The following NAALADL2 variants were observed in gnomAD, a reference collection of about 807,000 sequenced individuals.
The protein encoded by NAALADL2 is N-acetylated alpha-linked acidic dipeptidase like 2, also known as inactive N-acetylated-alpha-linked acidic dipeptidase-like protein 2.
NAALADL2 carries 76 observed loss-of-function variants against 87.2 expected under a neutral mutation model. That is an observed-to-expected ratio of 0.87 (90% confidence interval 0.72 to 1.05). NAALADL2 has a LOEUF of 1.05. NAALADL2 is among the 50% of genes least tolerant of loss of function. The pLI, the probability that NAALADL2 is intolerant of heterozygous loss-of-function variation, is 0.00. For synonymous variants in NAALADL2, 354 were observed against 331.0 expected, an observed-to-expected ratio of 1.07 and a Z score of -0.75; for missense variants, 1,089 against 945.8, an observed-to-expected ratio of 1.15 and a Z score of -1.99.
chr3:174,995,277 C>A (rs1278463741), intron 1 of NAALADL2, among the ~76,000 whole-genome samples: 1 of 152,146 alleles, frequency 6.6e-6, no homozygotes, highest in South Asian at 2.1e-4. Context: ...GCAAAGGCAT[C>A]GGGTAGATTA....
At chr3:175,671,300 G>T (rs1157838526) in intron 11 of NAALADL2, among the ~76,000 whole-genome samples, 1 of 151,814 alleles carries the variant, frequency 6.6e-6, no homozygotes, top group African/African-American at 2.4e-5. Flanking sequence ...TCTGAAATTT[G>T]GATGCATGAG....
At chr3:174,856,087 G>T (rs1010588335), upstream of NAALADL2, among the ~76,000 whole-genome samples, 1 of 151,642 alleles carries the variant, frequency 6.6e-6, no homozygotes, top group Admixed American at 6.6e-5. Flanking sequence ...GCTTACTGCA[G>T]CCTCAAACTT....
At chr3:175,644,838 G>A (rs990187808) in intron 11 of NAALADL2, among the ~76,000 whole-genome samples, 11 of 152,044 alleles carry the variant, frequency 7.2e-5, no homozygotes, top group African/African-American at 2.4e-4. Context: ...GCTTGATCCA[G>A]TGCTGTTGAT....
chr3:175,355,135 C>T (rs1372564214), intron 5 of NAALADL2, among the ~76,000 whole-genome samples: 4 of 150,602 alleles, frequency 2.7e-5, no homozygotes, highest in Non-Finnish European at 5.9e-5. Context: ...GTTGCATGAT[C>T]TTGGCTCACT....
At chr3:175,750,192 C>T (rs1746459160) in intron 12 of NAALADL2, among the ~76,000 whole-genome samples, 1 of 152,084 alleles carries the variant, frequency 6.6e-6, no homozygotes, top group Non-Finnish European at 1.5e-5. Context: ...GATTCCAAAT[C>T]CCCTCAACCT....
At chr3:175,643,675 A>G (rs2149767216) in intron 11 of NAALADL2, among the ~76,000 whole-genome samples, 1 of 152,342 alleles carries the variant, frequency 6.6e-6, no homozygotes, top group Non-Finnish European at 1.5e-5. Context: ...GAATTGGTGA[A>G]CATGGTGAAG....
chr3:175,263,917 C>T (rs955463811), intron 4 of NAALADL2, among the ~76,000 whole-genome samples: 3 of 151,774 alleles, frequency 2.0e-5, no homozygotes, highest in Admixed American at 2.0e-4. Flanking sequence ...TGGGCAATTA[C>T]TTGGGCTTAT....
intron 1 of NAALADL2, among the ~76,000 whole-genome samples, chr3:174,940,174 G>A (rs570846338): frequency 6.6e-6 from 1 of 152,226 alleles, no homozygotes; most frequent in Admixed American, 6.5e-5. Context: ...CTATTACTTG[G>A]AGGCATGTTC....
At chr3:174,937,117 T>A (rs1041547686) in intron 1 of NAALADL2, among the ~76,000 whole-genome samples, 3 of 152,072 alleles carry the variant, frequency 2.0e-5, no homozygotes. Context: ...GATAAAATGA[T>A]CCTGTCAAAT....
rs561510626 is a variant in NAALADL2 at position 175,556,754 on chromosome 3, T to G, written c.1654-19287T>G. Among the ~76,000 whole-genome samples, 134 of 152,372 alleles carry G rather than the reference T, an allele frequency of 8.8e-4. 1 individual carries two copies. The highest frequency in any genetic ancestry group is 3.0e-3 in the African/African-American group (124 of 41,594). Reference sequence around the variant, plus strand: ...CTTACAAACTTTTCTTCTATATATCTTAACTGTTTTTAGAATAGTAGCAAT... The same window carrying G: ...CTTACAAACTTTTCTTCTATATATCGTAACTGTTTTTAGAATAGTAGCAAT... On this transcript the variant is annotated intron_variant, in intron 9 of 13. Coordinates refer to ENST00000454872, the MANE Select transcript of NAALADL2 (RefSeq NM_207015.3).
chr3:174,906,703 C>G (rs1375586061), intron 1 of NAALADL2, among the ~76,000 whole-genome samples: 1 of 152,132 alleles, frequency 6.6e-6, no homozygotes, highest in Non-Finnish European at 1.5e-5. Flanking sequence ...CCAACTGCAA[C>G]TTCATGAGAA....
intron 2 of NAALADL2, among the ~76,000 whole-genome samples, chr3:174,575,800 ATAT>A (rs1715465593): frequency 6.6e-6 from 1 of 152,170 alleles, no homozygotes; most frequent in South Asian, 2.1e-4. Flanking sequence ...TACTCTATCC[ATAT>A]TTATTAGATG....
chr3:175,484,962 C>T (rs112744877), intron 9 of NAALADL2, among the ~76,000 whole-genome samples: 1,977 of 152,208 alleles, frequency 0.013, 27 homozygotes, highest in South Asian at 0.021. Context: ...CTTAATACTT[C>T]CTGGGCTTTC....
At chr3:174,888,514 A>G (rs754698574) in intron 1 of NAALADL2, among the ~76,000 whole-genome samples, 9 of 152,202 alleles carry the variant, frequency 5.9e-5, no homozygotes, top group Admixed American at 2.6e-4. Context: ...TTGCTCTTCA[A>G]TAGTTTTTAT....
chr3:174,566,874 T>G (rs9842122), intron 2 of NAALADL2, among the ~76,000 whole-genome samples: 26,295 of 151,652 alleles, frequency 0.17, 2,412 homozygotes, highest in Non-Finnish European at 0.19. Flanking sequence ...CATGATTAAC[T>G]TTTTTAAGAA....
intron 3 of NAALADL2, among the ~76,000 whole-genome samples, chr3:174,814,026 A>C (rs1720510247): frequency 6.6e-6 from 1 of 152,188 alleles, no homozygotes; most frequent in South Asian, 2.1e-4. Flanking sequence ...ATAGAAGTTT[A>C]ATAGAAATAC....
chr3:175,769,815 C>G (rs1361022953), intron 13 of NAALADL2, among the ~76,000 whole-genome samples: 1 of 151,966 alleles, frequency 6.6e-6, no homozygotes. Flanking sequence ...GTTGGCAAGT[C>G]TGAAATCTGT....
chr3:175,193,187 G>A (rs1036926649), intron 2 of NAALADL2, among the ~76,000 whole-genome samples: 1 of 151,646 alleles, frequency 6.6e-6, no homozygotes, highest in Non-Finnish European at 1.5e-5. Flanking sequence ...GCCCTACATA[G>A]ATTCCAGATC....
At chr3:175,270,479 A>G (rs1752663378) in intron 4 of NAALADL2, among the ~76,000 whole-genome samples, 1 of 152,174 alleles carries the variant, frequency 6.6e-6, no homozygotes, top group African/African-American at 2.4e-5. Context: ...GCACCTAAAC[A>G]AAAGAATGCT....
Sources: allele counts gnomAD v4.1 joint callset (sites outside exome capture counted in the v4.1 genomes callset), GRCh38; gene constraint gnomAD v4.1.1; transcripts MANE v1.5; gene names NCBI Gene and HGNC (gene_info 2026-07-23, HGNC 2026-07-21).